RICTOR: variants seen among roughly 807,000 people sequenced by gnomAD.
The protein encoded by RICTOR is rapamycin-insensitive companion of mTOR.
Under a neutral mutation model 214.9 loss-of-function variants are expected in RICTOR, and 49 were observed. That is an observed-to-expected ratio of 0.23 (90% CI 0.18 to 0.29). The LOEUF (loss-of-function observed/expected upper bound fraction) is 0.29. RICTOR is among the 10% of genes least tolerant of loss of function. RICTOR has a pLI of 1.00. For synonymous variants in RICTOR, 717 were observed against 711.3 expected (o/e 1.01, Z -0.13); for missense variants, 1,625 against 2,047.0 (o/e 0.79, Z 3.98).
At chr5:39,012,448 G>C (rs571370771) in intron 3 of RICTOR, among the ~76,000 whole-genome samples, 3 of 152,124 alleles carry the variant, frequency 2.0e-5, no homozygotes, top group Non-Finnish European at 2.9e-5. Context: ...GCAGCAGTAT[G>C]AGAATGGACT....
At chr5:39,028,873 G>A (rs138296016) in intron 2 of RICTOR, among the ~76,000 whole-genome samples, 11 of 151,984 alleles carry the variant, frequency 7.2e-5, no homozygotes, top group Non-Finnish European at 8.8e-5. Flanking sequence ...ACTCCAGCTC[G>A]GGTGCCAGAG....
Position 39,002,398 on chromosome 5 carries a change from G to GTA in RICTOR, c.392+136_392+137insTA, listed in dbSNP as rs1426246316. On this transcript the variant is annotated intron_variant, in intron 5 of 37. Coordinates refer to ENST00000357387, the MANE Select transcript of RICTOR (RefSeq NM_152756.5). ...GTTACTTGGTTGTGTGTGTGTGTGT[G>GTA]TGTATATATATATATATACACACAC... 7.1e-4 allele frequency: 332 copies of GTA among 468,012 alleles called. 3 individuals are homozygous for GTA. In the African/African-American group the frequency reaches 8.4e-3, roughly 12 times the overall value. The allele number at this position is 468,012 out of a possible 1,614,324, so 29.0% of individuals were successfully genotyped here.
chr5:38,985,772 T>C (rs1164866029), intron 7 of RICTOR, among the ~76,000 whole-genome samples: 4 of 151,990 alleles, frequency 2.6e-5, no homozygotes, highest in African/African-American at 9.7e-5. Flanking sequence ...CTCGGCTCAC[T>C]GCAACCTCCG....
At chr5:39,073,507 C>T (rs1247399702) in intron 2 of RICTOR, among the ~76,000 whole-genome samples, 1 of 152,144 alleles carries the variant, frequency 6.6e-6, no homozygotes, top group Non-Finnish European at 1.5e-5. Flanking sequence ...GTCCCAGCGG[C>T]CCGGGAAAGG....
intron 3 of RICTOR, among the ~76,000 whole-genome samples, chr5:39,015,460 A>G (rs934273232): frequency 6.6e-6 from 1 of 151,984 alleles, no homozygotes; most frequent in Non-Finnish European, 1.5e-5. Flanking sequence ...ATGGTCCTTA[A>G]TGGGGGGCAA....
chr5:38,990,599 TATATATGATATATATACG>T (rs1752560431), intron 7 of RICTOR, among the ~76,000 whole-genome samples: 1 of 130,418 alleles, frequency 7.7e-6, no homozygotes, highest in African/African-American at 2.9e-5. Flanking sequence ...ATATATACGA[TATATATGATATATATACG>T]ATATATGATA....
In RICTOR at chr5:38,950,467, G is replaced by A. The variant is rs139245892; in HGVS notation, c.3381C>T (p.Ser1127=). 2 of 1,613,344 alleles carry A rather than the reference G, an allele frequency of 1.2e-6. No individual in the cohort carries two copies. The highest frequency in any genetic ancestry group is 2.7e-5 in the African/African-American group (2 of 74,828). The change falls in exon 31 of 38, where the codon AGC becomes AGT. Residue 1127 remains serine (S), a synonymous_variant. Coordinates refer to ENST00000357387, the MANE Select transcript of RICTOR (RefSeq NM_152756.5). ...GGKLSSESKT[S]NRRIRTLTEP... The stretch of plus-strand genomic sequence containing the variant: ...CCGTAAGTGTTCTGATTCGCCTGTT[G>A]CTTGTCTTACTTTCAGATGATAATT...
At chr5:39,007,938 T>A (rs1754205087) in intron 3 of RICTOR, among the ~76,000 whole-genome samples, 1 of 151,136 alleles carries the variant, frequency 6.6e-6, no homozygotes, top group Non-Finnish European at 1.5e-5. Flanking sequence ...AAAAATGCAC[T>A]AGGATCAAGA....
At chr5:38,996,157 G>T (rs1467552958) in intron 6 of RICTOR, among the ~76,000 whole-genome samples, 1 of 152,128 alleles carries the variant, frequency 6.6e-6, no homozygotes, top group Non-Finnish European at 1.5e-5. Context: ...TGATTCTCAT[G>T]AACATTAAGA....
At chr5:39,055,426 C>CCA (rs1554012758) in intron 2 of RICTOR, among the ~76,000 whole-genome samples, 17 of 129,456 alleles carry the variant, frequency 1.3e-4, no homozygotes, top group African/African-American at 4.6e-4. Context: ...TTCCCCCCCC[C>CCA]CACTCTTTTT....
At position 38,952,685 on chromosome 5, in the gene RICTOR, T is replaced by C. The variant is rs1471968700; in HGVS notation, c.2898-260A>G. ...ATGCAACATGAGCAAAAAAGGTATA[T>C]TAGCTTTTCTAGTATAAATCTGGAA... On this transcript the variant is annotated intron_variant, in intron 29 of 37. Transcript: ENST00000357387. Among the ~76,000 whole-genome samples, 36 of 151,986 alleles carry C rather than the reference T, an allele frequency of 2.4e-4. 1 individual carries two copies. Among genetic ancestry groups the C allele is most frequent in the Admixed American group, 2.2e-3 (34 of 15,220 alleles).
chr5:39,049,401 C>T (rs1757700352), intron 2 of RICTOR, among the ~76,000 whole-genome samples: 1 of 152,082 alleles, frequency 6.6e-6, no homozygotes, highest in Non-Finnish European at 1.5e-5. Context: ...TAGAGTCACA[C>T]AGTAAACACT....
chr5:38,947,246 TA>T lies in RICTOR; in HGVS notation c.4314+17del, dbSNP rs750146623. On this transcript the variant is annotated intron_variant, in intron 32 of 37. Coordinates refer to ENST00000357387, the MANE Select transcript of RICTOR (RefSeq NM_152756.5). ...AGGAAACCAACTCATAGGAAAACAA[TA>T]AAATGTATGATAATACCTGGAATAT... 6.4e-7 allele frequency: 1 copy of T among 1,571,582 alleles called. No homozygotes were observed. Among genetic ancestry groups the T allele is most frequent in the South Asian group, 1.1e-5 (1 of 88,000 alleles).
At chr5:39,002,966 T>G (rs889884756) in intron 4 of RICTOR, among the ~76,000 whole-genome samples, 2 of 152,128 alleles carry the variant, frequency 1.3e-5, no homozygotes, top group African/African-American at 4.8e-5. Flanking sequence ...TTGTTTTATA[T>G]AAACAATGGT....
intron 3 of RICTOR, among the ~76,000 whole-genome samples, chr5:39,006,111 T>C (rs915353413): frequency 6.6e-6 from 1 of 152,200 alleles, no homozygotes; most frequent in Non-Finnish European, 1.5e-5. Context: ...CTGGGCCTAA[T>C]GCTTGAATCC....
intron 18 of RICTOR, 24 bp downstream of exon 18, chr5:38,962,461 T>A: frequency 7.7e-7 from 1 of 1,293,522 alleles, no homozygotes; most frequent in Admixed American, 2.0e-5. Flanking sequence ...AGACAAGCCA[T>A]TACCATGAAG....
At chr5:39,015,692 T>C (rs1361707546) in intron 3 of RICTOR, among the ~76,000 whole-genome samples, 4 of 151,986 alleles carry the variant, frequency 2.6e-5, no homozygotes, top group Non-Finnish European at 4.4e-5. Context: ...GTTTACCAAC[T>C]GACAACTCAA....
At chr5:39,033,053 T>C (rs1756384136) in intron 2 of RICTOR, among the ~76,000 whole-genome samples, 1 of 152,220 alleles carries the variant, frequency 6.6e-6, no homozygotes, top group African/African-American at 2.4e-5. Flanking sequence ...TTACAGTTGG[T>C]GTACCACTGT....
chr5:38,945,254 C>T (rs1458672637), intron 34 of RICTOR, 186 bp from the exon 35 acceptor site: 2 of 617,252 alleles, frequency 3.2e-6, no homozygotes, highest in Non-Finnish European at 5.6e-6. Flanking sequence ...AGGGCCTGGA[C>T]AGGGCTGTTC....
Sources: allele counts gnomAD v4.1 joint callset (sites outside exome capture counted in the v4.1 genomes callset), GRCh38; gene constraint gnomAD v4.1.1; transcripts MANE v1.5; gene names NCBI Gene and HGNC (gene_info 2026-07-23, HGNC 2026-07-21).